DERA: variants seen among roughly 807,000 people sequenced by gnomAD.
DERA encodes deoxyribose-phosphate aldolase.
In DERA, 15 loss-of-function variants were observed where a neutral mutation model predicts 41.1. The ratio of observed to expected loss-of-function variants is 0.37; its 90% CI spans 0.24 to 0.56. DERA has a LOEUF of 0.56. Among genes scored for constraint, DERA ranks in the 20% least tolerant of loss-of-function variants. The probability of loss-of-function intolerance (pLI) is 0.81; values close to 1 mark genes in which losing one functional copy is unlikely to be tolerated. For synonymous variants in DERA, 139 were observed against 137.4 expected (o/e 1.01, Z -0.08); for missense variants, 396 against 403.4 (o/e 0.98, Z 0.16).
rs533817011 is a variant in DERA at position 15,983,227 on chromosome 12, C to T, written c.637+791C>T. On this transcript the variant is annotated intron_variant, in intron 6 of 8. Transcript: ENST00000428559. The surrounding 1 kb of genome is among the most constrained non-coding windows in gnomAD (Gnocchi z 6.2). The stretch of plus-strand genomic sequence containing the variant: ...GCTAATTTTATTATGGTACTGCTTG[C>T]TTAAAATTCCTTCAGTGGTTTCCCT... Among the ~76,000 whole-genome samples, 80 of 152,256 alleles carry T rather than the reference C, an allele frequency of 5.3e-4. No individual in the cohort carries two copies. The highest frequency in any genetic ancestry group is 1.5e-3 in the South Asian group (7 of 4,822).
In DERA at chr12:16,004,509, A is replaced by T. The variant is rs1346833180; in HGVS notation, c.637+22073A>T. On this transcript the variant is annotated intron_variant, in intron 6 of 8. Transcript: ENST00000428559. This position sits in a 1 kb window ranked among gnomAD's most constrained non-coding sequence, Gnocchi z 4.2. ...TTCTTAGTACATTGAAAAAAATTAAAGCTAGTAAGGAAAAGAGGCATCCCA... is the reference window on the plus strand; with the variant it reads ...TTCTTAGTACATTGAAAAAAATTAATGCTAGTAAGGAAAAGAGGCATCCCA... Among the ~76,000 whole-genome samples the T allele has an allele frequency of 6.6e-6, 1 of 152,194 alleles. No homozygotes were observed. Among genetic ancestry groups the T allele is most frequent in the Admixed American group, 6.5e-5 (1 of 15,282 alleles).
At position 16,001,350 on chromosome 12, in the gene DERA, T is replaced by C. The variant is rs1319936740; in HGVS notation, c.637+18914T>C. Among the ~76,000 whole-genome samples, 1 of 152,250 alleles carries C rather than the reference T, an allele frequency of 6.6e-6. No homozygotes were observed. The highest frequency in any genetic ancestry group is 6.5e-5 in the Admixed American group (1 of 15,288). On this transcript the variant is annotated intron_variant, in intron 6 of 8. Coordinates refer to ENST00000428559, the MANE Select transcript of DERA (RefSeq NM_015954.4). The surrounding 1 kb of genome is among the most constrained non-coding windows in gnomAD (Gnocchi z 4.1). ...ACTTCTTTATAATTGAATATACTTT[T>C]CAGCTAAACCCACCCCTTTCCACTG... is the stretch of plus-strand genomic sequence containing the variant.
At position 15,962,966 on chromosome 12, in the gene DERA, C is replaced by T; in HGVS notation, c.508+19C>T. 6.2e-7 allele frequency: 1 copy of T among 1,600,152 alleles called. No homozygotes were observed. Among genetic ancestry groups the T allele is most frequent in the Non-Finnish European group, 8.5e-7 (1 of 1,173,150 alleles). On this transcript the variant is annotated intron_variant, in intron 5 of 8. Coordinates refer to ENST00000428559, the MANE Select transcript of DERA (RefSeq NM_015954.4). The stretch of plus-strand genomic sequence containing the variant: ...TGGGAAGGTAGGTGCATGCTTTTAC[C>T]TAAGAGAGTTTCACCATTCTTCCCT...
Position 16,009,187 on chromosome 12 carries a change from G to GT in DERA, c.638-23353dup, listed in dbSNP as rs1388194166. Among the ~76,000 whole-genome samples the GT allele has an allele frequency of 1.3e-5, 2 of 152,284 alleles. No homozygotes were observed. The highest frequency in any genetic ancestry group is 2.9e-5 in the Non-Finnish European group (2 of 68,018). On this transcript the variant is annotated intron_variant, in intron 6 of 8. Transcript: ENST00000428559. This position sits in a 1 kb window ranked among gnomAD's most constrained non-coding sequence, Gnocchi z 5.3. Reference sequence around the variant, plus strand: ...TTCTGTTCCTCCTCCTTCTCTTACTGTTGTATGGTTGTCAATCAGAATGAA... The same window carrying GT: ...TTCTGTTCCTCCTCCTTCTCTTACTGTTTGTATGGTTGTCAATCAGAATGAA...
rs1948793513 is a variant in DERA, at chr12:15,990,361, T to C, written c.637+7925T>C. 6.6e-6 allele frequency among the ~76,000 whole-genome samples: 1 copy of C among 152,236 alleles called. No individual in the cohort carries two copies. Among genetic ancestry groups the C allele is most frequent in the South Asian group, 2.1e-4 (1 of 4,836 alleles). ...AAGAAAGGTACAAAAGAATGATTAA[T>C]TGAGAATCACAATTAGATGTGGTCT... is the stretch of plus-strand genomic sequence containing the variant. On this transcript the variant is annotated intron_variant, in intron 6 of 8. Transcript: ENST00000428559. The surrounding 1 kb of genome is among the most constrained non-coding windows in gnomAD (Gnocchi z 4.3).
At position 16,014,793 on chromosome 12, in the gene DERA, C is replaced by T. The variant is rs765190926; in HGVS notation, c.638-17749C>T. On this transcript the variant is annotated intron_variant, in intron 6 of 8. Transcript: ENST00000428559. The surrounding 1 kb of genome is among the most constrained non-coding windows in gnomAD (Gnocchi z 5.4). The stretch of plus-strand genomic sequence containing the variant: ...AAGCCACAGACACTCAATGCTAGCC[C>T]GTGAAAGCAGCCAGGAGGGGTACTG... Among the ~76,000 whole-genome samples the T allele has an allele frequency of 5.3e-5, 8 of 152,122 alleles. No individual in the cohort carries two copies. Among genetic ancestry groups the T allele is most frequent in the Admixed American group, 3.9e-4 (6 of 15,288 alleles).
In DERA at chr12:15,970,359, C is replaced by G. The variant is rs183559899; in HGVS notation, c.508+7412C>G. Among the ~76,000 whole-genome samples the G allele has an allele frequency of 8.1e-4, 124 of 152,194 alleles. 3 individuals carry two copies. The highest frequency in any genetic ancestry group is 6.5e-3 in the Admixed American group (100 of 15,294). ...TTATGACTTTTAGATAGGAAACAGT[C>G]TTTAAACGCTTGGATTCTTACTTAA... is the stretch of plus-strand genomic sequence containing the variant. On this transcript the variant is annotated intron_variant, in intron 5 of 8. Coordinates refer to ENST00000428559, the MANE Select transcript of DERA (RefSeq NM_015954.4). This position sits in a 1 kb window ranked among gnomAD's most constrained non-coding sequence, Gnocchi z 4.3.
chr12:15,928,846 C>A lies in DERA; in HGVS notation c.31+17432C>A, dbSNP rs549451360. Reference sequence around the variant, plus strand: ...AAAGGGAATATTTGGTTGTGGGGAGCCTTTTGGGTGTCCCTGAAATCTTGC... The same window carrying A: ...AAAGGGAATATTTGGTTGTGGGGAGACTTTTGGGTGTCCCTGAAATCTTGC... On this transcript the variant is annotated intron_variant, in intron 1 of 8. Coordinates refer to ENST00000428559, the MANE Select transcript of DERA (RefSeq NM_015954.4). The surrounding 1 kb of genome is among the most constrained non-coding windows in gnomAD (Gnocchi z 4.6). 2.6e-5 allele frequency among the ~76,000 whole-genome samples: 4 copies of A among 152,268 alleles called. No homozygotes were observed. In the South Asian group the frequency reaches 8.3e-4, roughly 32 times the overall value.
Position 15,936,936 on chromosome 12 carries a change from T to C in DERA, c.32-20000T>C, listed in dbSNP as rs111573418. ...CTGTCCTGTCCTGTCCTGTCCTGTC[T>C]TGTCCTGTCCCGTCCTGTCCTGCCC... On this transcript the variant is annotated intron_variant, in intron 1 of 8. Transcript: ENST00000428559. The surrounding 1 kb of genome is among the most constrained non-coding windows in gnomAD (Gnocchi z 4.6). Among the ~76,000 whole-genome samples the C allele has an allele frequency of 0.2, 23,133 of 115,880 alleles. 2,240 individuals are homozygous for C. Among genetic ancestry groups the C allele is most frequent in the Admixed American group, 0.31 (3,848 of 12,408 alleles). The allele number at this position is 115,880 out of a possible 152,430, so 76.0% of individuals were successfully genotyped here. A position where few individuals can be genotyped will look rare whatever the true frequency, so the allele number is the denominator to read the frequency against.
intron 7 of DERA, among the ~76,000 whole-genome samples, chr12:16,033,890 C>T (rs553506132): frequency 6.6e-6 from 1 of 152,230 alleles, no homozygotes; most frequent in Admixed American, 6.5e-5. Flanking sequence ...TTGTGAACTA[C>T]ATGAGAAAGC....
chr12:15,962,774 C>G, intron 4 of DERA, 39 bp from the exon 5 acceptor site: 1 of 1,509,352 alleles, frequency 6.6e-7, no homozygotes, highest in Non-Finnish European at 8.9e-7. Flanking sequence ...TTTCTTCCCT[C>G]CTTCCCTCTT....
intron 7 of DERA, among the ~76,000 whole-genome samples, chr12:16,034,487 G>T (rs548228412): frequency 6.6e-6 from 1 of 152,138 alleles, no homozygotes. Flanking sequence ...AAAAAGACAG[G>T]TACAAGCCAA....
At chr12:16,030,266 CA>C (rs1384842332) in intron 6 of DERA, among the ~76,000 whole-genome samples, 1 of 151,976 alleles carries the variant, frequency 6.6e-6, no homozygotes, top group Non-Finnish European at 1.5e-5. Context: ...TCTTCTCTTC[CA>C]AGATGCTTAA....
intron 6 of DERA, among the ~76,000 whole-genome samples, chr12:16,029,210 G>A (rs566874936): frequency 2.6e-5 from 4 of 152,286 alleles, no homozygotes; most frequent in African/African-American, 7.2e-5. Flanking sequence ...TGAGGTGGGC[G>A]GATCACGAGG....
intron 5 of DERA, among the ~76,000 whole-genome samples, chr12:15,979,697 A>G (rs1263085504): frequency 6.6e-6 from 1 of 152,240 alleles, no homozygotes; most frequent in Admixed American, 6.5e-5. Flanking sequence ...AAGAATGAGA[A>G]GACATTGGTT....
At chr12:15,925,064 A>G (rs1948272087) in intron 1 of DERA, among the ~76,000 whole-genome samples, 1 of 152,160 alleles carries the variant, frequency 6.6e-6, no homozygotes, top group African/African-American at 2.4e-5. Flanking sequence ...TGCCTGGTGT[A>G]CCAAGCCCAG....
chr12:15,978,871 A>G (rs1029310489), intron 5 of DERA, among the ~76,000 whole-genome samples: 1 of 152,210 alleles, frequency 6.6e-6, no homozygotes, highest in Non-Finnish European at 1.5e-5. Flanking sequence ...AGCATGAACA[A>G]TGTGCTGGAT....
In DERA at chr12:15,913,031, C is replaced by G. The variant is rs1003188617; in HGVS notation, c.31+1617C>G. Among the ~76,000 whole-genome samples the G allele has an allele frequency of 1.3e-5, 2 of 152,186 alleles. No homozygotes were observed. Among genetic ancestry groups the G allele is most frequent in the Non-Finnish European group, 2.9e-5 (2 of 68,024 alleles). On this transcript the variant is annotated intron_variant, in intron 1 of 8. Transcript: ENST00000428559. This position sits in a 1 kb window ranked among gnomAD's most constrained non-coding sequence, Gnocchi z 4.5. Reference sequence around the variant, plus strand: ...ATATGGGGCAGGTTTGGGGTGGTGTCTTACCTGGGTATTCCCAGGAATATG... The same window carrying G: ...ATATGGGGCAGGTTTGGGGTGGTGTGTTACCTGGGTATTCCCAGGAATATG...
chr12:16,006,951 C>T (rs1565612246), intron 6 of DERA, among the ~76,000 whole-genome samples: 1 of 152,186 alleles, frequency 6.6e-6, no homozygotes, highest in Admixed American at 6.5e-5. Context: ...CAGTGGGAGC[C>T]TGAAGTGTCA....
Sources: gnomAD v4.1 joint callset for allele counts (sites outside exome capture counted in the v4.1 genomes callset) on GRCh38, gnomAD v4.1.1 for gene constraint, Gnocchi (gnomAD v3.1) non-coding constraint, MANE v1.5 for transcripts, NCBI Gene and HGNC (gene_info 2026-07-23, HGNC 2026-07-21) for gene names.